The following PCDHGB3 variants were observed in gnomAD, a reference collection of about 807,000 sequenced individuals.
PCDHGB3 encodes the protein protocadherin gamma-B3.
PCDHGB3 carries 40 observed loss-of-function variants against 59.2 expected under a neutral mutation model. That is an observed-to-expected ratio of 0.68 (90% CI 0.52 to 0.88). PCDHGB3 has a LOEUF of 0.88. Ranked by LOEUF, PCDHGB3 falls within the 40% of genes least tolerant of loss-of-function variation. PCDHGB3 has a pLI of 0.00. For missense variants in PCDHGB3, 1,309 were observed against 1,187.9 expected (o/e 1.10, Z -1.50); for synonymous variants, 581 against 503.6 (o/e 1.15, Z -2.06).
Position 141,432,295 on chromosome 5 carries a change from G to A in PCDHGB3, c.2415+59486G>A. 6.2e-7 allele frequency: 1 copy of A among 1,614,222 alleles called. No individual in the cohort carries two copies. The highest frequency in any genetic ancestry group is 8.5e-7 in the Non-Finnish European group (1 of 1,180,034). ...ACGTGTCCATCAACTCCGACACTGG[G>A]GTACTGTATGCGCTGAGCTCCTTCG... is the stretch of plus-strand genomic sequence containing the variant. On this transcript the variant is annotated intron_variant, in intron 1 of 3. Coordinates refer to ENST00000576222, the MANE Select transcript of PCDHGB3 (RefSeq NM_018924.5). This position sits in a 1 kb window ranked among gnomAD's most constrained non-coding sequence, Gnocchi z 6.0.
At chr5:141,507,676 A>G (rs2099862523) in intron 3 of PCDHGB3, among the ~76,000 whole-genome samples, 1 of 152,252 alleles carries the variant, frequency 6.6e-6, no homozygotes, top group African/African-American at 2.4e-5. Flanking sequence ...TCCAGATGTT[A>G]AAAACAGAAA....
intron 1 of PCDHGB3, chr5:141,383,874 T>C: frequency 1.2e-6 from 2 of 1,614,012 alleles, no homozygotes; most frequent in Non-Finnish European, 1.7e-6. Context: ...AAGATGGTCC[T>C]GGTAGTCTGA....
intron 1 of PCDHGB3, among the ~76,000 whole-genome samples, chr5:141,397,814 C>G (rs1325713795): frequency 6.6e-6 from 1 of 152,200 alleles, no homozygotes; most frequent in Non-Finnish European, 1.5e-5. Flanking sequence ...CACACAAAAA[C>G]AATTACTGCA....
chr5:141,477,532 C>A lies in PCDHGB3; in HGVS notation c.2416-17275C>A. 6.2e-7 allele frequency: 1 copy of A among 1,614,146 alleles called. No individual in the cohort carries two copies. The highest frequency in any genetic ancestry group is 8.5e-7 in the Non-Finnish European group (1 of 1,180,028). ...TTTACATTGAAGAAAACAACCTCCC[C>A]GGGGCTCCAATACTAAACCTAAGTG... On this transcript the variant is annotated intron_variant, in intron 1 of 3. Coordinates refer to ENST00000576222, the MANE Select transcript of PCDHGB3 (RefSeq NM_018924.5). The surrounding 1 kb of genome is among the most constrained non-coding windows in gnomAD (Gnocchi z 4.9).
At chr5:141,374,266 G>A (rs763355904) in intron 1 of PCDHGB3, 5 of 1,614,016 alleles carry the variant, frequency 3.1e-6, no homozygotes, top group Middle Eastern at 1.7e-4. Context: ...AGTTGGCGGA[G>A]CACGGAGTCC....
chr5:141,422,969 G>C (rs1269760845), intron 1 of PCDHGB3: 2 of 1,614,202 alleles, frequency 1.2e-6, no homozygotes, highest in South Asian at 2.2e-5. Flanking sequence ...CTGGCGCCCC[G>C]CTCTGCGGAA....
At position 141,379,889 on chromosome 5, in the gene PCDHGB3, C is replaced by CTTTTTTTTTTTTTTTTTTTTTTTTTT. The variant is rs70988800; in HGVS notation, c.2415+7085_2415+7110dup. On this transcript the variant is annotated intron_variant, in intron 1 of 3. Coordinates refer to ENST00000576222, the MANE Select transcript of PCDHGB3 (RefSeq NM_018924.5). ...CTTATTTTATGGTCTGTGAAAGCCT[C>CTTTTTTTTTTTTTTTTTTTTTTTTTT]TTTTTTTTTTTTTTTTTTTTTTTTT... Among the ~76,000 whole-genome samples the CTTTTTTTTTTTTTTTTTTTTTTTTTT allele has an allele frequency of 6.9e-4, 35 of 50,830 alleles. 8 individuals carry two copies. Among genetic ancestry groups the CTTTTTTTTTTTTTTTTTTTTTTTTTT allele is most frequent in the Non-Finnish European group, 8.9e-4 (23 of 25,880 alleles). The allele number at this position is 50,830 out of a possible 152,430, so 33.3% of individuals were successfully genotyped here. A position where few individuals can be genotyped will look rare whatever the true frequency, so the allele number is the denominator to read the frequency against.
chr5:141,428,121 G>T (rs764584436), intron 1 of PCDHGB3: 1 of 1,605,860 alleles, frequency 6.2e-7, no homozygotes. Context: ...CATCGAGCCC[G>T]GGCTTTTCAG....
intron 1 of PCDHGB3, among the ~76,000 whole-genome samples, chr5:141,446,193 T>C (rs1402824950): frequency 6.6e-6 from 1 of 152,208 alleles, no homozygotes; most frequent in East Asian, 1.9e-4. Flanking sequence ...TTTATTATTA[T>C]ATTCCTAGGT....
At chr5:141,405,187 G>A (rs372851700) in intron 1 of PCDHGB3, 1 of 1,613,360 alleles carries the variant, frequency 6.2e-7, no homozygotes, top group East Asian at 2.2e-5. Flanking sequence ...GTGTAGATGG[G>A]GTTCGAGCTT....
In PCDHGB3 at chr5:141,485,216, G is replaced by C. The variant is rs757059807; in HGVS notation, c.2416-9591G>C. On this transcript the variant is annotated intron_variant, in intron 1 of 3. Transcript: ENST00000576222. The surrounding 1 kb of genome is among the most constrained non-coding windows in gnomAD (Gnocchi z 5.7). ...AAGCTGGACAGAAATCTGGCGGTGG[G>C]CTACCCTTTTGTTCCTCTTTTACCA... 2.5e-6 allele frequency: 4 copies of C among 1,614,144 alleles called. No homozygotes were observed. In the South Asian group the frequency reaches 4.4e-5, roughly 18 times the overall value.
intron 1 of PCDHGB3, chr5:141,422,754 C>T: frequency 1.2e-6 from 2 of 1,612,450 alleles, no homozygotes; most frequent in Non-Finnish European, 1.7e-6. Flanking sequence ...TCTCTATTAA[C>T]TCCAACACTG....
rs1340366910 is a variant in PCDHGB3 at position 141,490,965 on chromosome 5, C to T, written c.2416-3842C>T. The T allele has an allele frequency of 2.5e-6, 4 of 1,613,738 alleles. No homozygotes were observed. The highest frequency in any genetic ancestry group is 2.7e-5 in the African/African-American group (2 of 74,934). On this transcript the variant is annotated intron_variant, in intron 1 of 3. Transcript: ENST00000576222. This position sits in a 1 kb window ranked among gnomAD's most constrained non-coding sequence, Gnocchi z 5.4. Reference sequence around the variant, plus strand: ...CACGGCCAGACTGGGAACACTCAGCCCCCCAGCGTCTCCCTCGCTCTGCTC... The same window carrying T: ...CACGGCCAGACTGGGAACACTCAGCTCCCCAGCGTCTCCCTCGCTCTGCTC...
intron 1 of PCDHGB3, among the ~76,000 whole-genome samples, chr5:141,457,984 A>G (rs1210742359): frequency 2.0e-5 from 3 of 152,226 alleles, no homozygotes; most frequent in Non-Finnish European, 1.5e-5. Context: ...ACACCCTTTC[A>G]GTTAAAGCCT....
At chr5:141,384,071 CT>C in intron 1 of PCDHGB3, 1 of 1,603,192 alleles carries the variant, frequency 6.2e-7, no homozygotes. Context: ...GAAAACCTAC[CT>C]TTTAAATTAG....
chr5:141,388,391 T>C, intron 1 of PCDHGB3: 2 of 1,613,964 alleles, frequency 1.2e-6, no homozygotes, highest in Non-Finnish European at 1.7e-6. Flanking sequence ...CACTGCAGAA[T>C]TACCAACTCA....
chr5:141,477,265 G>A lies in PCDHGB3; in HGVS notation c.2416-17542G>A. The A allele has an allele frequency of 6.2e-7, 1 of 1,614,198 alleles. No individual in the cohort carries two copies. Among genetic ancestry groups the A allele is most frequent in the African/African-American group, 1.3e-5 (1 of 75,048 alleles). On this transcript the variant is annotated intron_variant, in intron 1 of 3. Transcript: ENST00000576222. The surrounding 1 kb of genome is among the most constrained non-coding windows in gnomAD (Gnocchi z 4.9). ...GTGTGACTGACCTGGATGCTGGCGA[G>A]AACGGGCTGGTGACCTGCGAAGTTC...
chr5:141,395,439 A>G, intron 1 of PCDHGB3: 1 of 679,568 alleles, frequency 1.5e-6, no homozygotes, highest in Non-Finnish European at 2.3e-6. Context: ...AACGACTTGG[A>G]AAAGATTGTT....
At chr5:141,400,087 G>A (rs751908680) in intron 1 of PCDHGB3, 3 of 1,614,042 alleles carry the variant, frequency 1.9e-6, no homozygotes, top group Non-Finnish European at 2.5e-6. Flanking sequence ...CTCCGCCACC[G>A]CCACGCTGCA....
Sources: allele counts gnomAD v4.1 joint callset (sites outside exome capture counted in the v4.1 genomes callset), GRCh38; gene constraint gnomAD v4.1.1; non-coding constraint Gnocchi (gnomAD v3.1); transcripts MANE v1.5; gene names NCBI Gene and HGNC (gene_info 2026-07-23, HGNC 2026-07-21).